Variants in TTC1 observed in about 807,000 individuals in gnomAD.
The protein encoded by TTC1 is tetratricopeptide repeat domain 1.
Under a neutral mutation model 37.6 loss-of-function variants are expected in TTC1, and 31 were observed. The observed-to-expected ratio is 0.82, with a 90% CI of 0.62 to 1.11. The LOEUF is 1.11. TTC1 is among the 50% of genes most tolerant of loss of function. The pLI, the probability that TTC1 is intolerant of heterozygous loss-of-function variation, is 0.00. For missense variants in TTC1, 351 were observed against 339.0 expected, an observed-to-expected ratio of 1.04 and a Z score of -0.28; for synonymous variants, 127 against 122.4, an observed-to-expected ratio of 1.04 and a Z score of -0.25.
At chr5:160,025,851 C>G (rs573091233) in intron 2 of TTC1, among the ~76,000 whole-genome samples, 1 of 152,314 alleles carries the variant, frequency 6.6e-6, no homozygotes, top group East Asian at 1.9e-4. Context: ...CCACCTCAGT[C>G]CCTCAAGTAC....
Position 160,035,158 on chromosome 5 carries a change from A to G in TTC1, c.349A>G (p.Thr117Ala), listed in dbSNP as rs140642112. The G allele has an allele frequency of 3.7e-6, 6 of 1,604,528 alleles. No homozygotes were observed. In the African/African-American group the frequency reaches 8.1e-5, roughly 22 times the overall value. ...EEKQKRREESTRLKEEGNEQF... is the reference protein window; with the variant it reads ...EEKQKRREESARLKEEGNEQF... ...CTTTCAGAAAAGAAGAGAAGAGAGC[A>G]CTAGACTAAAGGAGGAGGGAAATGA... Residue 117 changes from threonine (T) to alanine (A), a missense_variant, in exon 3 of 8, where the codon ACT becomes GCT. Thr to Ala is a moderately conservative substitution (Grantham distance 58). Transcript: ENST00000231238.
intron 5 of TTC1, among the ~76,000 whole-genome samples, chr5:160,047,906 A>G (rs1757293312): frequency 6.6e-6 from 1 of 152,092 alleles, no homozygotes; most frequent in Non-Finnish European, 1.5e-5. Context: ...TTATAGTACT[A>G]TGGCTATTGA....
At chr5:160,019,927 G>A (rs1330017415) in intron 2 of TTC1, among the ~76,000 whole-genome samples, 1 of 151,726 alleles carries the variant, frequency 6.6e-6, no homozygotes, top group East Asian at 2.0e-4. Context: ...TGTTGTTGTT[G>A]TTTTCTGTTT....
intron 2 of TTC1, among the ~76,000 whole-genome samples, chr5:160,032,254 TAG>T (rs1351448330): frequency 2.0e-5 from 3 of 152,232 alleles, no homozygotes; most frequent in Non-Finnish European, 4.4e-5. Context: ...GAGAAGATTA[TAG>T]ATCAGAAAAT....
At chr5:160,024,101 T>C in intron 2 of TTC1, 1 of 795,892 alleles carries the variant, frequency 1.3e-6, no homozygotes. Flanking sequence ...GGTAGAGCCT[T>C]CTCTGTGCTG....
At chr5:160,020,495 C>T (rs1156743312) in intron 2 of TTC1, among the ~76,000 whole-genome samples, 1 of 152,220 alleles carries the variant, frequency 6.6e-6, no homozygotes, top group African/African-American at 2.4e-5. Context: ...TGTACTGATA[C>T]CAGTCTGTGG....
In TTC1 at chr5:160,065,255, C is replaced by G. The variant is rs1306921564; in HGVS notation, c.*190C>G. On this transcript the variant is annotated 3_prime_UTR_variant, in exon 8 of 8. Transcript: ENST00000231238. ...AAATGTACTTCCTGATGTAATGAAC[C>G]TAATTTGATTTCCATTTTAAGGTGG... The G allele has an allele frequency of 2.4e-6, 2 of 849,438 alleles. No individual in the cohort carries two copies. Among genetic ancestry groups the G allele is most frequent in the South Asian group, 2.9e-5 (2 of 69,890 alleles). 52.6% of individuals were successfully genotyped at this position (849,438 alleles called of 1,614,324 possible). A position where few individuals can be genotyped will look rare whatever the true frequency, so the allele number is the denominator to read the frequency against.
chr5:160,059,525 CT>C (rs1466126999), intron 7 of TTC1, among the ~76,000 whole-genome samples: 1 of 152,200 alleles, frequency 6.6e-6, no homozygotes, highest in Non-Finnish European at 1.5e-5. Context: ...TGAAGTAGCA[CT>C]TTTAATTTTG....
chr5:160,043,308 A>C, intron 5 of TTC1, 139 bp downstream of exon 5: 1 of 721,086 alleles, frequency 1.4e-6, no homozygotes, highest in Non-Finnish European at 2.2e-6. Context: ...ATTATTTTCA[A>C]AGATACTATA....
At position 160,016,377 on chromosome 5, in the gene TTC1, CAATA is replaced by C. The variant is rs1370001009; in HGVS notation, c.330+5533_330+5536del. Among the ~76,000 whole-genome samples, 6 of 151,956 alleles carry C rather than the reference CAATA, an allele frequency of 3.9e-5. 1 individual carries two copies. In the South Asian group the frequency reaches 1.0e-3, roughly 26 times the overall value. Reference sequence around the variant, plus strand: ...TGGGTGACAGAATGAGACTCTGTCTCAATAAATAAATAAATAATTTAAAAAATTT... The same window carrying C: ...TGGGTGACAGAATGAGACTCTGTCTCAATAAATAAATAATTTAAAAAATTT... On this transcript the variant is annotated intron_variant, in intron 2 of 7. Coordinates refer to ENST00000231238, the MANE Select transcript of TTC1 (RefSeq NM_003314.3).
intron 6 of TTC1, among the ~76,000 whole-genome samples, chr5:160,050,818 A>C (rs948694338): frequency 2.0e-5 from 3 of 151,712 alleles, no homozygotes; most frequent in Admixed American, 6.6e-5. Flanking sequence ...TAGAGACAGC[A>C]TTTTGCCATG....
At chr5:160,040,205 G>A (rs1027533292) in intron 4 of TTC1, among the ~76,000 whole-genome samples, 41 of 152,128 alleles carry the variant, frequency 2.7e-4, no homozygotes, top group African/African-American at 9.9e-4. Flanking sequence ...CAGTAAAAAT[G>A]CAGTATTTTT....
chr5:160,043,058 A>G, intron 4 of TTC1, 75 bp from the exon 5 acceptor site: 1 of 1,440,548 alleles, frequency 6.9e-7, no homozygotes, highest in African/African-American at 1.4e-5. Flanking sequence ...ATTAGTGATC[A>G]GATCATGTCA....
At chr5:160,037,514 G>A (rs1463304054) in intron 4 of TTC1, among the ~76,000 whole-genome samples, 5 of 152,214 alleles carry the variant, frequency 3.3e-5, no homozygotes, top group South Asian at 2.1e-4. Flanking sequence ...TCAGGAGTTC[G>A]AGACCAGCCT....
At position 160,057,371 on chromosome 5, in the gene TTC1, C is replaced by T. The variant is rs950118145; in HGVS notation, c.745+6188C>T. On this transcript the variant is annotated intron_variant, in intron 7 of 7. Transcript: ENST00000231238. The surrounding 1 kb of genome is among the most constrained non-coding windows in gnomAD (Gnocchi z 4.4). The stretch of plus-strand genomic sequence containing the variant: ...ATACAGAAGTTATGTTTATATAATA[C>T]TGTAGTCTACTAAGTATGCAACAGC... Among the ~76,000 whole-genome samples, 1 of 151,596 alleles carries T rather than the reference C, an allele frequency of 6.6e-6. No homozygotes were observed. The highest frequency in any genetic ancestry group is 1.5e-5 in the Non-Finnish European group (1 of 67,916).
At chr5:160,033,380 C>A (rs1421642987) in intron 2 of TTC1, among the ~76,000 whole-genome samples, 1 of 152,144 alleles carries the variant, frequency 6.6e-6, no homozygotes, top group African/African-American at 2.4e-5. Flanking sequence ...CTTTTAGTTT[C>A]CTCACTGAGA....
rs1753554372 is a variant in TTC1 at position 160,064,915 on chromosome 5, T to C, written c.746-17T>C. 6.2e-7 allele frequency: 1 copy of C among 1,604,354 alleles called. No homozygotes were observed. The highest frequency in any genetic ancestry group is 1.1e-5 in the South Asian group (1 of 88,882). On this transcript the variant is annotated splice_polypyrimidine_tract_variant and intron_variant, in intron 7 of 7. Transcript: ENST00000231238. ...TTCATTCCTGTATTCATTTGAGTTT[T>C]TGCTTTTACATTACAGGTAAATTAA...
Position 160,023,485 on chromosome 5 carries a change from G to A in TTC1, c.331-11655G>A, listed in dbSNP as rs1005447011. ...TTTTTTTATTTTTAGGAGAGACACG[G>A]TCTTGCTGTGTTGCCCAGGCTGAAG... is the stretch of plus-strand genomic sequence containing the variant. On this transcript the variant is annotated intron_variant, in intron 2 of 7. Coordinates refer to ENST00000231238, the MANE Select transcript of TTC1 (RefSeq NM_003314.3). Among the ~76,000 whole-genome samples the A allele has an allele frequency of 3.5e-4, 53 of 152,044 alleles. 1 individual carries two copies. Among genetic ancestry groups the A allele is most frequent in the African/African-American group, 1.3e-3 (52 of 41,420 alleles).
rs534362668 is a variant in TTC1, at chr5:160,065,023, G to A, written c.837G>A (p.Ser279=). Residue 279 remains serine, a synonymous_variant, in exon 8 of 8, where the codon TCG becomes TCA. Transcript: ENST00000231238. Reference sequence around the variant, plus strand: ...TCAAACAGGATTCCTCTACCGGCTCGTACTCCATCAATTTCGTTCAAAATC... The same window carrying A: ...TCAAACAGGATTCCTCTACCGGCTCATACTCCATCAATTTCGTTCAAAATC... ...FQIKQDSSTG[S]YSINFVQNPN... is the part of the protein sequence containing the mutation. 2.5e-5 allele frequency: 40 copies of A among 1,613,494 alleles called. No homozygotes were observed. The highest frequency in any genetic ancestry group is 6.6e-5 in the South Asian group (6 of 90,894).
Sources: allele counts gnomAD v4.1 joint callset (sites outside exome capture counted in the v4.1 genomes callset), GRCh38; gene constraint gnomAD v4.1.1; non-coding constraint Gnocchi (gnomAD v3.1); transcripts MANE v1.5; gene names NCBI Gene and HGNC (gene_info 2026-07-23, HGNC 2026-07-21).